H2BC18: variants seen among roughly 807,000 people sequenced by gnomAD.
H2BC18 encodes the protein histone H2B type 2-F.
Under a neutral mutation model 6.3 loss-of-function variants are expected in H2BC18, and 8 were observed. The ratio of observed to expected loss-of-function variants is 1.28; its 90% CI spans 0.75 to 2.31. H2BC18 has a LOEUF of 2.31. Among genes scored for constraint, H2BC18 ranks in the 30% most tolerant of loss-of-function variants. The pLI is 0.00. For missense variants in H2BC18, 106 were observed against 174.5 expected (o/e 0.61, Z 2.21); for synonymous variants, 104 against 78.1 (o/e 1.33, Z -1.75).
chr1:149,807,413 G>C (rs587594812), downstream of H2BC18, among the ~76,000 whole-genome samples: 679 of 151,352 alleles, frequency 4.5e-3, 5 homozygotes, highest in African/African-American at 0.015. Flanking sequence ...GATCACTTGA[G>C]CCTGGGAGGT....
chr1:149,789,757 C>T (rs1278876886), intron 1 of H2BC18, among the ~76,000 whole-genome samples: 1 of 152,102 alleles, frequency 6.6e-6, no homozygotes, highest in African/African-American at 2.4e-5. Context: ...CAAAACTGTC[C>T]CCACTTCACC....
rs60311651 is a variant in H2BC18, at chr1:149,798,618, T to TA, written c.377+13328dup. ...TATAAATGTATTTTTAAACCGACTTTAAAAAAAAAAAAAAAAGAGGAACTT... is the reference window on the plus strand; with the variant it reads ...TATAAATGTATTTTTAAACCGACTTTAAAAAAAAAAAAAAAAAGAGGAACTT... On this transcript the variant is annotated intron_variant, in intron 1 of 1. Coordinates refer to the H2BC18 transcript ENST00000545683. 5.0e-3 allele frequency among the ~76,000 whole-genome samples: 695 copies of TA among 139,628 alleles called. 12 individuals are homozygous for TA. Among genetic ancestry groups the TA allele is most frequent in the South Asian group, 0.043 (191 of 4,414 alleles). The allele number at this position is 139,628 out of a possible 152,430, so 91.6% of individuals were successfully genotyped here. A position where few individuals can be genotyped will look rare whatever the true frequency, so the allele number is the denominator to read the frequency against.
chr1:149,802,930 G>A lies in H2BC18; in HGVS notation c.377+9017C>T, dbSNP rs587753638. Among the ~76,000 whole-genome samples, 218 of 152,300 alleles carry A rather than the reference G, an allele frequency of 1.4e-3. 2 individuals carry two copies. The Middle Eastern group carries it at 0.017, about 12-fold the overall frequency. ...CTTTGTTGTAGCTACCCTGGCAGCC[G>A]ACTGGATGGTGCCAACCCACATTGA... On this transcript the variant is annotated intron_variant, in intron 1 of 1. Transcript: ENST00000545683.
chr1:149,786,344 A>G (rs2091549595), intron 1 of H2BC18: 1 of 151,974 alleles, frequency 6.6e-6, no homozygotes, highest in Non-Finnish European at 1.5e-5. Context: ...GTCCTTTTTC[A>G]AGTGTCTTAA....
intron 1 of H2BC18, chr1:149,792,357 T>C (rs1455513331): frequency 1.0e-5 from 3 of 292,336 alleles, no homozygotes; most frequent in Non-Finnish European, 1.7e-5. Flanking sequence ...CCTGATTTTC[T>C]GGTTACTAAT....
At chr1:149,799,480 A>G (rs1352134384) in intron 1 of H2BC18, among the ~76,000 whole-genome samples, 1 of 152,024 alleles carries the variant, frequency 6.6e-6, no homozygotes, top group Non-Finnish European at 1.5e-5. Context: ...CCTGTGAAAT[A>G]TCCTCCTTTT....
rs1385711564 is a variant in H2BC18, at chr1:149,790,433, A to T, written c.378-7173T>A. The T allele has an allele frequency of 7.1e-6, 11 of 1,542,078 alleles. No homozygotes were observed. The Middle Eastern group carries it at 6.9e-4, about 97-fold the overall frequency. ...TTGTTCAAGGGTTTTTGGCCCAGAC[A>T]GGAGGGGAAAGTCTCTTCAGGAAAA... On this transcript the variant is annotated intron_variant, in intron 1 of 1. Coordinates refer to the H2BC18 transcript ENST00000545683.
chr1:149,806,402 C>G (rs587714345), intron 1 of H2BC18, among the ~76,000 whole-genome samples: 1 of 152,182 alleles, frequency 6.6e-6, no homozygotes, highest in African/African-American at 2.4e-5. Flanking sequence ...ACCATCCTAA[C>G]ACAGTGAAAC....
intron 1 of H2BC18, among the ~76,000 whole-genome samples, chr1:149,797,101 C>T (rs1179476878): frequency 2.0e-5 from 3 of 152,116 alleles, no homozygotes; most frequent in African/African-American, 7.2e-5. Flanking sequence ...TTAGTAGAGA[C>T]GAGGTTTCAC....
At chr1:149,803,347 A>G (rs1553753558) in intron 1 of H2BC18, among the ~76,000 whole-genome samples, 1 of 152,216 alleles carries the variant, frequency 6.6e-6, no homozygotes. Context: ...ACTAATATTA[A>G]AAAGTGATAT....
chr1:149,802,835 G>A (rs587765215), intron 1 of H2BC18, among the ~76,000 whole-genome samples: 2,105 of 152,230 alleles, frequency 0.014, 50 homozygotes, highest in African/African-American at 0.045. Context: ...AATGGATGGA[G>A]GCATCCAGCA....
At chr1:149,800,399 G>A (rs1225903225) in intron 1 of H2BC18, among the ~76,000 whole-genome samples, 8 of 150,232 alleles carry the variant, frequency 5.3e-5, no homozygotes, top group Non-Finnish European at 8.9e-5. Context: ...TCCCCTCCCC[G>A]GAAGTTGGAG....
In H2BC18 at chr1:149,812,369, C is replaced by T. The variant is rs376994281; in HGVS notation, c.-46G>A. ...AAGAGACTTAAAGAAGTAATCCGAA[C>T]TACCGCAAAACGGGCTGGTTATGCG... On this transcript the variant is annotated 5_prime_UTR_variant, in exon 1 of 1. Transcript: ENST00000369167. 1.9e-6 allele frequency: 3 copies of T among 1,613,540 alleles called. No individual in the cohort carries two copies. The highest frequency in any genetic ancestry group is 2.5e-6 in the Non-Finnish European group (3 of 1,179,796).
intron 1 of H2BC18, among the ~76,000 whole-genome samples, chr1:149,800,392 C>T (rs2091854389): frequency 6.6e-6 from 1 of 150,982 alleles, no homozygotes; most frequent in Non-Finnish European, 1.5e-5. Flanking sequence ...GCCCCTCTCC[C>T]CTCCCCGGAA....
rs1553754580 is a variant in H2BC18 at position 149,812,146 on chromosome 1, T to A, written c.178A>T (p.Met60Leu). The part of the protein sequence containing the change: ...HPDTGISSKA[M>L]GIMNSFVNDI... Reference sequence around the variant, plus strand: ...TTGACGAAGGAGTTCATGATGCCCATGGCCTTGGACGAGATGCCGGTGTCG... The same window carrying A: ...TTGACGAAGGAGTTCATGATGCCCAAGGCCTTGGACGAGATGCCGGTGTCG... The change falls in exon 1 of 1, where the codon ATG becomes TTG. Residue 60 changes from methionine (M) to leucine (L), a missense_variant. Transcript: ENST00000369167. 1 of 1,614,162 alleles carries A rather than the reference T, an allele frequency of 6.2e-7. No homozygotes were observed. Among genetic ancestry groups the A allele is most frequent in the Non-Finnish European group, 8.5e-7 (1 of 1,180,054 alleles).
chr1:149,793,260 C>A, intron 1 of H2BC18: 1 of 1,245,034 alleles, frequency 8.0e-7, no homozygotes, highest in Non-Finnish European at 1.0e-6. Flanking sequence ...AGGGAGGGAG[C>A]GGGTGGGGAG....
intron 1 of H2BC18, among the ~76,000 whole-genome samples, chr1:149,805,832 A>G (rs1369775813): frequency 1.3e-5 from 2 of 152,126 alleles, no homozygotes; most frequent in Non-Finnish European, 2.9e-5. Context: ...AACTTAGACT[A>G]TATCTGAGTA....
chr1:149,802,203 TAAAA>T (rs1559753483), intron 1 of H2BC18, among the ~76,000 whole-genome samples: 1 of 152,056 alleles, frequency 6.6e-6, no homozygotes, highest in African/African-American at 2.4e-5. Flanking sequence ...GTCAAACACT[TAAAA>T]AGATCCATGA....
downstream of H2BC18, among the ~76,000 whole-genome samples, chr1:149,810,136 A>G (rs2091957700): frequency 6.6e-6 from 1 of 152,024 alleles, no homozygotes; most frequent in Non-Finnish European, 1.5e-5. Flanking sequence ...CTAATCCTTA[A>G]GAAAAAAGGA....
Sources: gnomAD v4.1 joint callset for allele counts (sites outside exome capture counted in the v4.1 genomes callset) on GRCh38, gnomAD v4.1.1 for gene constraint, MANE v1.5 for transcripts, NCBI Gene and HGNC (gene_info 2026-07-23, HGNC 2026-07-21) for gene names.